Variants in MGMT observed in about 807,000 individuals in gnomAD.
The protein encoded by MGMT is methylated-DNA--protein-cysteine methyltransferase.
A neutral mutation model predicts 15.9 loss-of-function variants in MGMT; 14 were observed. The observed-to-expected ratio is 0.88, with a 90% CI of 0.58 to 1.37. The LOEUF is 1.37. Among genes scored for constraint, MGMT ranks in the 40% most tolerant of loss-of-function variants. The pLI, the probability that MGMT is intolerant of heterozygous loss-of-function variation, is 0.00. For synonymous variants in MGMT, 130 were observed against 118.2 expected (o/e 1.10, Z -0.65); for missense variants, 282 against 268.1 (o/e 1.05, Z -0.36).
intron 2 of MGMT, among the ~76,000 whole-genome samples, chr10:129,585,276 CAGA>C (rs1846605636): frequency 6.6e-6 from 1 of 152,168 alleles, no homozygotes; most frequent in Non-Finnish European, 1.5e-5. Context: ...TTCACAATTA[CAGA>C]AGGCCACAGA....
chr10:129,696,198 G>A (rs767623233), intron 2 of MGMT, among the ~76,000 whole-genome samples: 5 of 152,156 alleles, frequency 3.3e-5, no homozygotes, highest in South Asian at 2.1e-4. Context: ...TTAGTGTAAC[G>A]AGTGGGGCTG....
At chr10:129,652,855 C>T (rs193227031) in intron 2 of MGMT, among the ~76,000 whole-genome samples, 9 of 152,336 alleles carry the variant, frequency 5.9e-5, no homozygotes, top group Admixed American at 4.6e-4. Flanking sequence ...CAGCTGTGGC[C>T]GCAGTCTCCA....
intron 2 of MGMT, among the ~76,000 whole-genome samples, chr10:129,540,654 G>T (rs1238640995): frequency 6.6e-6 from 1 of 151,932 alleles, no homozygotes; most frequent in African/African-American, 2.4e-5. Context: ...TTCTTTTTTT[G>T]GTACTGTCTT....
In MGMT at chr10:129,533,602, T is replaced by G. The variant is rs1056278311; in HGVS notation, c.-12-2639T>G. 6.6e-6 allele frequency among the ~76,000 whole-genome samples: 1 copy of G among 152,188 alleles called. No individual in the cohort carries two copies. The highest frequency in any genetic ancestry group is 1.9e-4 in the East Asian group (1 of 5,188). ...TCTCACGTTGCCTCTAGAGCCCTGT[T>G]GTCTGACCAGTATCTTCTGTGAACA... On this transcript the variant is annotated intron_variant, in intron 1 of 4. Transcript: ENST00000651593. This position sits in a 1 kb window ranked among gnomAD's most constrained non-coding sequence, Gnocchi z 4.5.
At chr10:129,621,408 GAATTGA>G (rs1160430197) in intron 2 of MGMT, among the ~76,000 whole-genome samples, 16 of 152,180 alleles carry the variant, frequency 1.1e-4, no homozygotes, top group Admixed American at 2.0e-4. Context: ...TAATCATTTA[GAATTGA>G]AATTGAAAGT....
intron 1 of MGMT, among the ~76,000 whole-genome samples, chr10:129,477,291 T>TA (rs1845306542): frequency 6.6e-6 from 1 of 152,108 alleles, no homozygotes; most frequent in Non-Finnish European, 1.5e-5. Context: ...CTACTAGACT[T>TA]GTATTGTTTC....
chr10:129,750,819 C>A (rs1483759359), intron 3 of MGMT, among the ~76,000 whole-genome samples: 2 of 152,028 alleles, frequency 1.3e-5, no homozygotes, highest in Non-Finnish European at 2.9e-5. Flanking sequence ...GTTCTTTTAC[C>A]AATGCCACCC....
chr10:129,729,335 T>C (rs1369568472), intron 3 of MGMT, among the ~76,000 whole-genome samples: 1 of 152,152 alleles, frequency 6.6e-6, no homozygotes, highest in Non-Finnish European at 1.5e-5. Context: ...CAGGTCGCAA[T>C]GTCTTGCTAG....
chr10:129,678,706 AC>A (rs1308262589), intron 2 of MGMT, among the ~76,000 whole-genome samples: 1 of 152,152 alleles, frequency 6.6e-6, no homozygotes, highest in East Asian at 1.9e-4. Flanking sequence ...TTTTAATGAC[AC>A]AGGATCCACT....
intron 4 of MGMT, among the ~76,000 whole-genome samples, chr10:129,759,570 G>A (rs922355585): frequency 6.6e-6 from 1 of 152,142 alleles, no homozygotes; most frequent in African/African-American, 2.4e-5. Context: ...CATCTCCACT[G>A]CATGAGCTCC....
intron 3 of MGMT, among the ~76,000 whole-genome samples, chr10:129,747,059 T>C (rs909675276): frequency 2.6e-5 from 4 of 152,212 alleles, no homozygotes; most frequent in African/African-American, 9.6e-5. Context: ...ATTGTTAGAT[T>C]TACATCTAAG....
At chr10:129,615,566 C>T (rs2133071365) in intron 2 of MGMT, among the ~76,000 whole-genome samples, 1 of 152,330 alleles carries the variant, frequency 6.6e-6, no homozygotes, top group South Asian at 2.1e-4. Context: ...CCTGCCTCAT[C>T]CGGAACATTC....
intron 2 of MGMT, among the ~76,000 whole-genome samples, chr10:129,584,736 A>G (rs1042463875): frequency 6.6e-6 from 1 of 152,114 alleles, no homozygotes; most frequent in African/African-American, 2.4e-5. Flanking sequence ...GGAATCCTGC[A>G]CCATGTGGCC....
intron 4 of MGMT, among the ~76,000 whole-genome samples, chr10:129,762,842 G>A (rs912593230): frequency 1.3e-5 from 2 of 151,978 alleles, no homozygotes; most frequent in Non-Finnish European, 2.9e-5. Flanking sequence ...TGTCAGTGGA[G>A]CTGAACCATT....
chr10:129,468,948 A>G (rs1039757134), intron 1 of MGMT, among the ~76,000 whole-genome samples: 2 of 152,228 alleles, frequency 1.3e-5, no homozygotes, highest in Admixed American at 6.5e-5. Context: ...GCACTACTTT[A>G]AAAAGGCTTT....
rs1848183027 is a variant in MGMT, at chr10:129,707,876, C to G, written c.126-19C>G. On this transcript the variant is annotated intron_variant, in intron 2 of 4. Coordinates refer to ENST00000651593, the MANE Select transcript of MGMT (RefSeq NM_002412.5). ...GCAGGGCCCAGAGGTTTACTAAGCC[C>G]CTGTTCTCACTTTTGCAGTGCCGTG... is the stretch of plus-strand genomic sequence containing the variant. 1 of 1,609,492 alleles carries G rather than the reference C, an allele frequency of 6.2e-7. No individual in the cohort carries two copies. The highest frequency in any genetic ancestry group is 1.3e-5 in the African/African-American group (1 of 74,724).
intron 1 of MGMT, among the ~76,000 whole-genome samples, chr10:129,485,022 G>T (rs1589830899): frequency 1.3e-5 from 2 of 151,740 alleles, no homozygotes; most frequent in African/African-American, 4.8e-5. Context: ...AGGCAGCTCT[G>T]AGGTCTTTAC....
rs5788992 is a variant in MGMT at position 129,479,386 on chromosome 10, A to ATTT, written c.-13+12097_-13+12099dup. 2.3e-3 allele frequency among the ~76,000 whole-genome samples: 346 copies of ATTT among 151,312 alleles called. 2 individuals are homozygous for ATTT. The highest frequency in any genetic ancestry group is 3.6e-3 in the Admixed American group (55 of 15,236). The stretch of plus-strand genomic sequence containing the variant: ...GAACCCAATTAAAATAGATTGGTTG[A>ATTT]TTTTTTTTTGTCTTTCATCTTGACC... On this transcript the variant is annotated intron_variant, in intron 1 of 4. Transcript: ENST00000651593.
intron 2 of MGMT, among the ~76,000 whole-genome samples, chr10:129,617,183 ACT>A (rs889493279): frequency 2.0e-5 from 3 of 152,006 alleles, no homozygotes; most frequent in Non-Finnish European, 4.4e-5. Flanking sequence ...GGCCATGTGT[ACT>A]CAGTGGTTAG....
Sources: gnomAD v4.1 joint callset for allele counts (sites outside exome capture counted in the v4.1 genomes callset) on GRCh38, gnomAD v4.1.1 for gene constraint, Gnocchi (gnomAD v3.1) non-coding constraint, MANE v1.5 for transcripts, NCBI Gene and HGNC (gene_info 2026-07-23, HGNC 2026-07-21) for gene names.